The following PRKCE variants were observed in gnomAD, a reference collection of about 807,000 sequenced individuals.
The protein encoded by PRKCE is protein kinase C epsilon type.
Under a neutral mutation model 85.4 loss-of-function variants are expected in PRKCE, and 16 were observed. The ratio of observed to expected loss-of-function variants is 0.19; its 90% CI spans 0.13 to 0.28. PRKCE has a LOEUF of 0.28. Among genes scored for constraint, PRKCE ranks in the 10% least tolerant of loss-of-function variants. The pLI is 1.00. For missense variants in PRKCE, 573 were observed against 975.2 expected (o/e 0.59, Z 5.49); for synonymous variants, 388 against 371.5 (o/e 1.04, Z -0.51).
chr2:45,699,434 G>A (rs1281739525), intron 1 of PRKCE, among the ~76,000 whole-genome samples: 2 of 152,180 alleles, frequency 1.3e-5, no homozygotes, highest in Non-Finnish European at 2.9e-5. Flanking sequence ...AAGGTTGGCT[G>A]AGTCAGAGTG....
chr2:45,716,343 C>A (rs1380324086), intron 1 of PRKCE, among the ~76,000 whole-genome samples: 1 of 152,150 alleles, frequency 6.6e-6, no homozygotes, highest in South Asian at 2.1e-4. Context: ...ATGGTGAAAC[C>A]CTGTGTCTAC....
rs371501864 is a variant in PRKCE at position 45,868,319 on chromosome 2, CAAAAA to C, written c.412+25275_412+25279del. ...AAACACCAAAATCCCCTTTCCTGTC[CAAAAA>C]AAAAAAAAAAAAAAAAAACTTTTTA... On this transcript the variant is annotated intron_variant, in intron 2 of 14. Coordinates refer to ENST00000306156, the MANE Select transcript of PRKCE (RefSeq NM_005400.3). Among the ~76,000 whole-genome samples the C allele has an allele frequency of 6.3e-3, 227 of 35,992 alleles. 2 individuals are homozygous for C. Among genetic ancestry groups the C allele is most frequent in the African/African-American group, 0.024 (218 of 9,256 alleles). The allele number at this position is 35,992 out of a possible 152,430, so 23.6% of individuals were successfully genotyped here.
Position 45,652,868 on chromosome 2 carries a change from G to A in PRKCE, c.348+420G>A, listed in dbSNP as rs1675191588. Among the ~76,000 whole-genome samples the A allele has an allele frequency of 6.6e-6, 1 of 152,138 alleles. No individual in the cohort carries two copies. Among genetic ancestry groups the A allele is most frequent in the Non-Finnish European group, 1.5e-5 (1 of 68,018 alleles). ...GCCTTTGACTGAAGGCTTCTTGCAC[G>A]TCCTGGCTTTGTCCTGCTTAGCCGA... On this transcript the variant is annotated intron_variant, in intron 1 of 14. Transcript: ENST00000306156. This position sits in a 1 kb window ranked among gnomAD's most constrained non-coding sequence, Gnocchi z 7.7.
chr2:46,060,744 C>CTTTTTTTT (rs112560158), intron 10 of PRKCE, among the ~76,000 whole-genome samples: 38 of 140,082 alleles, frequency 2.7e-4, no homozygotes, highest in Non-Finnish European at 2.6e-4. Flanking sequence ...TTTCTCTCTC[C>CTTTTTTTT]TTTTTTTTTT....
chr2:45,943,513 C>G (rs1489035792), intron 2 of PRKCE, among the ~76,000 whole-genome samples: 1 of 152,206 alleles, frequency 6.6e-6, no homozygotes, highest in Admixed American at 6.5e-5. Context: ...TTTAGTTTTA[C>G]AAGATTAACT....
intron 1 of PRKCE, among the ~76,000 whole-genome samples, chr2:45,781,683 G>T (rs1223777902): frequency 6.6e-6 from 1 of 151,902 alleles, no homozygotes; most frequent in African/African-American, 2.4e-5. Flanking sequence ...AGCTACATCT[G>T]ATAATGTAGT....
intron 1 of PRKCE, among the ~76,000 whole-genome samples, chr2:45,677,325 T>A (rs1231181340): frequency 8.4e-6 from 1 of 119,704 alleles, no homozygotes; most frequent in East Asian, 2.6e-4. Flanking sequence ...TGAAGGTTTT[T>A]TTTTTGTTTT....
chr2:46,048,044 A>G (rs1708632630), intron 10 of PRKCE, among the ~76,000 whole-genome samples: 1 of 152,198 alleles, frequency 6.6e-6, no homozygotes, highest in Admixed American at 6.5e-5. Flanking sequence ...AGTGTATTTT[A>G]ATTTAACTCA....
chr2:45,718,812 T>C (rs1054202843), intron 1 of PRKCE, among the ~76,000 whole-genome samples: 1 of 152,158 alleles, frequency 6.6e-6, no homozygotes, highest in Non-Finnish European at 1.5e-5. Flanking sequence ...AATTTAGTAA[T>C]TTCATGGTTT....
At chr2:45,952,601 A>C (rs1700699824) in intron 2 of PRKCE, among the ~76,000 whole-genome samples, 1 of 152,252 alleles carries the variant, frequency 6.6e-6, no homozygotes, top group Admixed American at 6.5e-5. Context: ...TTTACCAAAC[A>C]GTTGAATTAA....
At position 45,895,389 on chromosome 2, in the gene PRKCE, A is replaced by G. The variant is rs1020520378; in HGVS notation, c.412+52326A>G. 2.6e-5 allele frequency among the ~76,000 whole-genome samples: 4 copies of G among 152,136 alleles called. No individual in the cohort carries two copies. Among genetic ancestry groups the G allele is most frequent in the African/African-American group, 9.7e-5 (4 of 41,430 alleles). ...TTTTTCATTAAAACAAGACTCTGCT[A>G]TACAATGAGGGGAGGCCTAACTGCC... On this transcript the variant is annotated intron_variant, in intron 2 of 14. Transcript: ENST00000306156. The surrounding 1 kb of genome is among the most constrained non-coding windows in gnomAD (Gnocchi z 4.8).
At chr2:45,691,066 A>G (rs1270702139) in intron 1 of PRKCE, among the ~76,000 whole-genome samples, 3 of 152,250 alleles carry the variant, frequency 2.0e-5, no homozygotes, top group Admixed American at 6.5e-5. Context: ...GATTAGATTT[A>G]TTTAAAATTA....
chr2:45,933,894 C>T (rs1004537834), intron 2 of PRKCE, among the ~76,000 whole-genome samples: 2 of 152,114 alleles, frequency 1.3e-5, no homozygotes, highest in East Asian at 1.9e-4. Context: ...GTAACAGGGT[C>T]GGGGGACTAG....
intron 1 of PRKCE, among the ~76,000 whole-genome samples, chr2:45,808,485 C>T (rs539233838): frequency 6.6e-6 from 1 of 152,298 alleles, no homozygotes; most frequent in South Asian, 2.1e-4. Flanking sequence ...TGCTGGAGTG[C>T]TGATTAAACA....
chr2:45,904,264 G>A (rs980709299), intron 2 of PRKCE, among the ~76,000 whole-genome samples: 4 of 152,130 alleles, frequency 2.6e-5, no homozygotes, highest in African/African-American at 9.7e-5. Flanking sequence ...AGACAAAACA[G>A]TTTCTTAGAA....
Position 46,004,219 on chromosome 2 carries a change from C to T in PRKCE, c.967-323C>T. 2 of 349,676 alleles carry T rather than the reference C, an allele frequency of 5.7e-6. No homozygotes were observed. Among genetic ancestry groups the T allele is most frequent in the East Asian group, 7.0e-5 (1 of 14,280 alleles). The allele number at this position is 349,676 out of a possible 1,614,324, so 21.7% of individuals were successfully genotyped here. A position where few individuals can be genotyped will look rare whatever the true frequency, so the allele number is the denominator to read the frequency against. On this transcript the variant is annotated intron_variant, in intron 7 of 14. Coordinates refer to ENST00000306156, the MANE Select transcript of PRKCE (RefSeq NM_005400.3). This position sits in a 1 kb window ranked among gnomAD's most constrained non-coding sequence, Gnocchi z 4.1. ...TGGTGTCCTCGCACAACCCGAACTA[C>T]TTCATCCTTTTGGATGGGGTTGGAT... is the stretch of plus-strand genomic sequence containing the variant.
In PRKCE at chr2:46,184,448, C is replaced by G. The variant is rs1483142038; in HGVS notation, c.2068-287C>G. On this transcript the variant is annotated intron_variant, in intron 14 of 14. Coordinates refer to ENST00000306156, the MANE Select transcript of PRKCE (RefSeq NM_005400.3). This position sits in a 1 kb window ranked among gnomAD's most constrained non-coding sequence, Gnocchi z 5.0. ...ATACACACACAAACACACACACACA[C>G]ACACACACACACACGTCTGTGGGAA... Among the ~76,000 whole-genome samples the G allele has an allele frequency of 1.3e-5, 2 of 151,942 alleles. No individual in the cohort carries two copies. Among genetic ancestry groups the G allele is most frequent in the East Asian group, 3.9e-4 (2 of 5,184 alleles).
In PRKCE at chr2:46,070,255, A is replaced by G. The variant is rs148937363; in HGVS notation, c.1438-15953A>G. 6.0e-3 allele frequency among the ~76,000 whole-genome samples: 913 copies of G among 152,342 alleles called. 10 individuals carry two copies. The highest frequency in any genetic ancestry group is 0.021 in the African/African-American group (871 of 41,594). On this transcript the variant is annotated intron_variant, in intron 10 of 14. Transcript: ENST00000306156. ...GTTCTAGAGACTTGAGACCACCTCTATAAATATAACCAGAGCACAGGCTTC... is the reference window on the plus strand; with the variant it reads ...GTTCTAGAGACTTGAGACCACCTCTGTAAATATAACCAGAGCACAGGCTTC...
intron 11 of PRKCE, among the ~76,000 whole-genome samples, chr2:46,129,339 G>A (rs1674183398): frequency 6.6e-6 from 1 of 152,204 alleles, no homozygotes; most frequent in South Asian, 2.1e-4. Context: ...GTACGTAGCT[G>A]TTGATGAGTG....
Sources: allele counts gnomAD v4.1 joint callset (sites outside exome capture counted in the v4.1 genomes callset), GRCh38; gene constraint gnomAD v4.1.1; non-coding constraint Gnocchi (gnomAD v3.1); transcripts MANE v1.5; gene names NCBI Gene and HGNC (gene_info 2026-07-23, HGNC 2026-07-21).